SDR42E1: variants seen among roughly 807,000 people sequenced by gnomAD.
The protein encoded by SDR42E1 is short chain dehydrogenase/reductase family 42E, member 1, also known as short-chain dehydrogenase/reductase family 42E member 1.
SDR42E1 carries 5 observed loss-of-function variants against 2.6 expected under a neutral mutation model. The ratio of observed to expected loss-of-function variants is 1.94; its 90% CI spans 1.01 to 4.08. The LOEUF is 4.08. Among genes scored for constraint, SDR42E1 ranks in the 30% most tolerant of loss-of-function variants. The pLI is 0.00. For synonymous variants in SDR42E1, 231 were observed against 188.3 expected (o/e 1.23, Z -1.86); for missense variants, 596 against 478.6 (o/e 1.25, Z -2.29).
chr16:81,999,766 C>A lies in SDR42E1; in HGVS notation c.527G>T (p.Gly176Val). ...CCTCAGAGCGCAGGTTCTTAAGACA[C>A]CGTCGCCTCTGTCCAGGGGTGTAGC... The part of the protein sequence containing the change: ...ANATPLDRGD[G>V]VLRTCALRPA... Residue 176 changes from glycine (G) to valine (V), a missense_variant, in exon 3 of 3, where the codon GGT becomes GTT. Gly to Val is a moderately radical substitution (Grantham distance 109). Coordinates refer to ENST00000328945, the MANE Select transcript of SDR42E1 (RefSeq NM_145168.3). 6.2e-7 allele frequency: 1 copy of A among 1,614,196 alleles called. No individual in the cohort carries two copies. Among genetic ancestry groups the A allele is most frequent in the Non-Finnish European group, 8.5e-7 (1 of 1,180,032 alleles).
Position 81,998,151 on chromosome 16 carries a change from C to G in SDR42E1, c.*960G>C, listed in dbSNP as rs1912592917. 1 of 152,178 alleles carries G rather than the reference C, an allele frequency of 6.6e-6. No homozygotes were observed. Among genetic ancestry groups the G allele is most frequent in the African/African-American group, 2.4e-5 (1 of 41,438 alleles). The allele number at this position is 152,178 out of a possible 1,614,324, so 9.4% of individuals were successfully genotyped here. On this transcript the variant is annotated 3_prime_UTR_variant, in exon 3 of 3. Transcript: ENST00000328945. ...CTCATTGGAAGCTGTCTTCAGAGAGCCAATCTTCTTCCCAGTAAGAAAACC... is the reference window on the plus strand; with the variant it reads ...CTCATTGGAAGCTGTCTTCAGAGAGGCAATCTTCTTCCCAGTAAGAAAACC...
rs1405834402 is a variant in SDR42E1 at position 81,992,207 on chromosome 16, A to C, written c.*6904T>G. On this transcript the variant is annotated 3_prime_UTR_variant, in exon 3 of 3. Transcript: ENST00000328945. ...GCCTTATCCTGAGTAAACTCTCAACAAATAGTAGCAATTAACTATTAACAA... is the reference window on the plus strand; with the variant it reads ...GCCTTATCCTGAGTAAACTCTCAACCAATAGTAGCAATTAACTATTAACAA... 1 of 152,230 alleles carries C rather than the reference A, an allele frequency of 6.6e-6. No homozygotes were observed. Among genetic ancestry groups the C allele is most frequent in the Non-Finnish European group, 1.5e-5 (1 of 68,044 alleles). The allele number at this position is 152,230 out of a possible 1,614,324, so 9.4% of individuals were successfully genotyped here.
At chr16:82,008,204 T>C (rs2143866981) in intron 1 of SDR42E1, among the ~76,000 whole-genome samples, 1 of 152,372 alleles carries the variant, frequency 6.6e-6, no homozygotes, top group African/African-American at 2.4e-5. Flanking sequence ...CGTGGAACTG[T>C]GAGTCCATTA....
intron 1 of SDR42E1, among the ~76,000 whole-genome samples, chr16:82,001,961 T>TACACACACAC (rs375862551): frequency 0.026 from 3,587 of 137,200 alleles, 172 homozygotes; most frequent in African/African-American, 0.091. Flanking sequence ...TGGGTGCGTA[T>TACACACACAC]ACACACACAC....
intron 1 of SDR42E1, chr16:82,007,625 A>C (rs1912984671): frequency 6.6e-6 from 1 of 152,236 alleles, no homozygotes; most frequent in African/African-American, 2.4e-5. Flanking sequence ...CCCTACCTGA[A>C]GTGCTTGGTA....
chr16:81,992,278 T>C lies in SDR42E1; in HGVS notation c.*6833A>G, dbSNP rs1347686215. The C allele has an allele frequency of 1.3e-5, 2 of 152,236 alleles. No homozygotes were observed. The highest frequency in any genetic ancestry group is 4.8e-5 in the African/African-American group (2 of 41,470). 9.4% of individuals were successfully genotyped at this position (152,236 alleles called of 1,614,324 possible). ...AGTTAACTAGGGTGACAGGTTAATA[T>C]TGATCATTAGCTTCATGTTGAACAT... On this transcript the variant is annotated 3_prime_UTR_variant, in exon 3 of 3. Transcript: ENST00000328945.
In SDR42E1 at chr16:81,995,842, TAC is replaced by T. The variant is rs1469065785; in HGVS notation, c.*3267_*3268del. ...TTAAACAAATAACCGTACAAATGTT[TAC>T]AGTTATGAGCAATGCTATAAAAGAA... is the stretch of plus-strand genomic sequence containing the variant. On this transcript the variant is annotated 3_prime_UTR_variant, in exon 3 of 3. Coordinates refer to ENST00000328945, the MANE Select transcript of SDR42E1 (RefSeq NM_145168.3). 4 of 152,200 alleles carry T rather than the reference TAC, an allele frequency of 2.6e-5. No homozygotes were observed. The highest frequency in any genetic ancestry group is 9.7e-5 in the African/African-American group (4 of 41,448). 9.4% of individuals were successfully genotyped at this position (152,200 alleles called of 1,614,324 possible).
intron 1 of SDR42E1, among the ~76,000 whole-genome samples, chr16:82,003,668 T>C (rs190218148): frequency 2.6e-5 from 4 of 152,378 alleles, no homozygotes; most frequent in Admixed American, 2.6e-4. Context: ...GAGACTTCTC[T>C]GATCACCCTA....
rs1597170309 is a variant in SDR42E1, at chr16:81,989,522, G to A, written c.*9589C>T. On this transcript the variant is annotated 3_prime_UTR_variant, in exon 3 of 3. Transcript: ENST00000328945. ...GAATGTGTAGAAATAAAAGCTTGAT[G>A]ATTTTGGGTTGGCTTTCTAGCCCCA... The A allele has an allele frequency of 6.6e-6, 1 of 152,194 alleles. No homozygotes were observed. Among genetic ancestry groups the A allele is most frequent in the South Asian group, 2.1e-4 (1 of 4,834 alleles). The allele number at this position is 152,194 out of a possible 1,614,324, so 9.4% of individuals were successfully genotyped here.
At position 81,997,434 on chromosome 16, in the gene SDR42E1, A is replaced by T. The variant is rs1912568318; in HGVS notation, c.*1677T>A. 6.6e-6 allele frequency: 1 copy of T among 152,220 alleles called. No homozygotes were observed. Among genetic ancestry groups the T allele is most frequent in the Non-Finnish European group, 1.5e-5 (1 of 68,050 alleles). 9.4% of individuals were successfully genotyped at this position (152,220 alleles called of 1,614,324 possible). On this transcript the variant is annotated 3_prime_UTR_variant, in exon 3 of 3. Coordinates refer to ENST00000328945, the MANE Select transcript of SDR42E1 (RefSeq NM_145168.3). ...TGCATAACCAATATACTGTGGAATGACACTGTGACATTTGAGGCCAAGTCA... is the reference window on the plus strand; with the variant it reads ...TGCATAACCAATATACTGTGGAATGTCACTGTGACATTTGAGGCCAAGTCA...
At chr16:82,003,233 A>G (rs1300704036) in intron 1 of SDR42E1, among the ~76,000 whole-genome samples, 2 of 152,192 alleles carry the variant, frequency 1.3e-5, no homozygotes, top group African/African-American at 4.8e-5. Context: ...GCTTTCAAGA[A>G]AATTCATGAA....
chr16:81,991,002 G>C lies in SDR42E1; in HGVS notation c.*8109C>G, dbSNP rs549258813. On this transcript the variant is annotated 3_prime_UTR_variant, in exon 3 of 3. Coordinates refer to ENST00000328945, the MANE Select transcript of SDR42E1 (RefSeq NM_145168.3). The stretch of plus-strand genomic sequence containing the variant: ...CAGAATAGTGTAAGACTGCAGGGGA[G>C]GCAAAGAGCCATCAGCAGCGAATAA... 2.0e-5 allele frequency: 3 copies of C among 152,308 alleles called. No individual in the cohort carries two copies. In the East Asian group the frequency reaches 5.8e-4, roughly 29 times the overall value. 9.4% of individuals were successfully genotyped at this position (152,308 alleles called of 1,614,324 possible). A position where few individuals can be genotyped will look rare whatever the true frequency, so the allele number is the denominator to read the frequency against.
At chr16:82,005,823 A>C (rs539855353) in intron 1 of SDR42E1, among the ~76,000 whole-genome samples, 1 of 150,564 alleles carries the variant, frequency 6.6e-6, no homozygotes, top group East Asian at 1.9e-4. Flanking sequence ...GCACATGATC[A>C]AGAAACAACA....
chr16:82,000,098 C>G lies in SDR42E1; in HGVS notation c.195G>C (p.Glu65Asp). The change falls in exon 3 of 3, where the codon GAG becomes GAC. Residue 65 changes from glutamate to aspartate, a missense_variant. By Grantham distance (45) the Glu-to-Asp change is conservative. Coordinates refer to ENST00000328945, the MANE Select transcript of SDR42E1 (RefSeq NM_145168.3). ...QGDIRHLSDV[E>D]KAFQDADVTC... ...TGACGTCTGCATCCTGGAAGGCTTT[C>G]TCTACGTCAGACAGGTGGCGGATGT... The G allele has an allele frequency of 1.2e-6, 2 of 1,614,224 alleles. No homozygotes were observed. Among genetic ancestry groups the G allele is most frequent in the Non-Finnish European group, 1.7e-6 (2 of 1,180,038 alleles).
chr16:82,000,657 G>T, intron 2 of SDR42E1, 134 bp downstream of exon 2: 1 of 668,820 alleles, frequency 1.5e-6, no homozygotes. Context: ...CAATGTCTGA[G>T]CAGTGGGCAA....
At chr16:82,005,929 G>A (rs962257488) in intron 1 of SDR42E1, among the ~76,000 whole-genome samples, 1 of 152,210 alleles carries the variant, frequency 6.6e-6, no homozygotes, top group Non-Finnish European at 1.5e-5. Flanking sequence ...TAATAAAGTT[G>A]ACATCTCAAG....
At chr16:82,005,699 C>T (rs1011218170) in intron 1 of SDR42E1, among the ~76,000 whole-genome samples, 9 of 152,140 alleles carry the variant, frequency 5.9e-5, no homozygotes, top group Non-Finnish European at 8.8e-5. Context: ...TTTATAATGG[C>T]AAGTGCTTGA....
rs375862551 is a variant in SDR42E1, at chr16:82,001,961, T to TACACACACACACACAC, written c.-26-1093_-26-1078dup. 4.4e-3 allele frequency among the ~76,000 whole-genome samples: 610 copies of TACACACACACACACAC among 137,238 alleles called. 5 individuals are homozygous for TACACACACACACACAC. The highest frequency in any genetic ancestry group is 0.016 in the African/African-American group (586 of 36,470). The allele number at this position is 137,238 out of a possible 152,430, so 90.0% of individuals were successfully genotyped here. ...GGTCCTCAAAGGCACTGGGTGCGTA[T>TACACACACACACACAC]ACACACACACACACACACACACACA... is the stretch of plus-strand genomic sequence containing the variant. On this transcript the variant is annotated intron_variant, in intron 1 of 2. Transcript: ENST00000328945.
At chr16:82,006,497 T>C (rs1388957356) in intron 1 of SDR42E1, among the ~76,000 whole-genome samples, 1 of 152,090 alleles carries the variant, frequency 6.6e-6, no homozygotes, top group Non-Finnish European at 1.5e-5. Context: ...ATGTGACATA[T>C]AAAATTCAAA....
Sources: allele counts gnomAD v4.1 joint callset (sites outside exome capture counted in the v4.1 genomes callset), GRCh38; gene constraint gnomAD v4.1.1; transcripts MANE v1.5; gene names NCBI Gene and HGNC (gene_info 2026-07-23, HGNC 2026-07-21).